Variants in MAGI2 observed in about 807,000 individuals in gnomAD.
MAGI2 encodes the protein membrane associated guanylate kinase, WW and PDZ domain containing 2.
A neutral mutation model predicts 133.3 loss-of-function variants in MAGI2; 35 were observed. That is an observed-to-expected ratio of 0.26 (90% confidence interval 0.20 to 0.35). The LOEUF (loss-of-function observed/expected upper bound fraction) is 0.35, where lower values mean the gene tolerates loss of function less well. Ranked by LOEUF, MAGI2 falls within the 10% of genes least tolerant of loss-of-function variation. The probability of loss-of-function intolerance (pLI) is 1.00; values close to 1 mark genes in which losing one functional copy is unlikely to be tolerated. For synonymous variants in MAGI2, 729 were observed against 710.6 expected, an observed-to-expected ratio of 1.03 and a Z score of -0.41; for missense variants, 1,636 against 1,863.4, an observed-to-expected ratio of 0.88 and a Z score of 2.25.
intron 3 of MAGI2, among the ~76,000 whole-genome samples, chr7:78,598,263 A>G (rs749833268): frequency 1.4e-4 from 21 of 152,188 alleles, no homozygotes; most frequent in South Asian, 1.2e-3. Context: ...AACTTGCAAT[A>G]AAGTGTGGTG....
intron 3 of MAGI2, among the ~76,000 whole-genome samples, chr7:78,571,071 T>C (rs1801447175): frequency 6.6e-6 from 1 of 152,178 alleles, no homozygotes; most frequent in Non-Finnish European, 1.5e-5. Context: ...CAATCAGTGT[T>C]ATCTCCTCGA....
At chr7:78,914,380 GACTT>G (rs1798629611) in intron 2 of MAGI2, among the ~76,000 whole-genome samples, 2 of 152,198 alleles carry the variant, frequency 1.3e-5, no homozygotes, top group East Asian at 1.9e-4. Context: ...CAATTAATTA[GACTT>G]ACTTTGGAAT....
At chr7:78,182,030 T>C (rs1050999757) in intron 13 of MAGI2, among the ~76,000 whole-genome samples, 5 of 152,220 alleles carry the variant, frequency 3.3e-5, no homozygotes, top group Admixed American at 1.3e-4. Flanking sequence ...TATGGGATGC[T>C]GCTGTAAACA....
chr7:79,053,733 T>C (rs893133266), intron 1 of MAGI2, among the ~76,000 whole-genome samples: 1 of 152,180 alleles, frequency 6.6e-6, no homozygotes, highest in Admixed American at 6.5e-5. Context: ...AAATATCCTG[T>C]ATTAGCAACT....
Position 79,035,045 on chromosome 7 carries a change from C to T in MAGI2, c.302-27839G>A, listed in dbSNP as rs887059126. Among the ~76,000 whole-genome samples, 5 of 152,020 alleles carry T rather than the reference C, an allele frequency of 3.3e-5. No homozygotes were observed. The East Asian group carries it at 5.8e-4, about 18-fold the overall frequency. On this transcript the variant is annotated intron_variant, in intron 1 of 21. Coordinates refer to ENST00000354212, the MANE Select transcript of MAGI2 (RefSeq NM_012301.4). Reference sequence around the variant, plus strand: ...GCAATTGCTCCTACTAGGTTTATTACGAGAGAAATAATCACCTCTACAGAT... The same window carrying T: ...GCAATTGCTCCTACTAGGTTTATTATGAGAGAAATAATCACCTCTACAGAT...
At chr7:79,141,947 T>C (rs1373701121) in intron 1 of MAGI2, among the ~76,000 whole-genome samples, 1 of 152,204 alleles carries the variant, frequency 6.6e-6, no homozygotes, top group African/African-American at 2.4e-5. Flanking sequence ...TATTAGTCTT[T>C]TTCATTTTGC....
chr7:78,144,478 A>G (rs191332114), intron 16 of MAGI2, among the ~76,000 whole-genome samples: 2 of 152,212 alleles, frequency 1.3e-5, no homozygotes, highest in East Asian at 3.9e-4. Flanking sequence ...TACTATGTAA[A>G]TCTTGTTCAC....
At chr7:78,523,997 C>T (rs775453929) in intron 3 of MAGI2, among the ~76,000 whole-genome samples, 1 of 152,010 alleles carries the variant, frequency 6.6e-6, no homozygotes, top group African/African-American at 2.4e-5. Context: ...CAAACTGCCT[C>T]CATGAGAATG....
At chr7:79,236,362 G>A (rs2129554662) in intron 1 of MAGI2, among the ~76,000 whole-genome samples, 1 of 152,324 alleles carries the variant, frequency 6.6e-6, no homozygotes, top group East Asian at 1.9e-4. Context: ...TTCTGTTGAA[G>A]TCTAAAGGGG....
intron 9 of MAGI2, among the ~76,000 whole-genome samples, chr7:78,334,003 G>C (rs975043186): frequency 9.9e-5 from 15 of 152,168 alleles, no homozygotes; most frequent in Non-Finnish European, 2.2e-4. Flanking sequence ...TGTGTGCTCA[G>C]GTTTCAAAAG....
chr7:79,384,881 T>C (rs1168682292), intron 1 of MAGI2, among the ~76,000 whole-genome samples: 1 of 151,732 alleles, frequency 6.6e-6, no homozygotes, highest in East Asian at 1.9e-4. Flanking sequence ...TTTATACAGA[T>C]GGAAATCTCA....
intron 2 of MAGI2, among the ~76,000 whole-genome samples, chr7:78,820,105 C>A (rs371400289): frequency 6.6e-6 from 1 of 151,684 alleles, no homozygotes; most frequent in Admixed American, 6.6e-5. Flanking sequence ...ACATCATAAG[C>A]TTGAAAAAAT....
intron 2 of MAGI2, among the ~76,000 whole-genome samples, chr7:78,732,629 T>C (rs1821478487): frequency 6.6e-6 from 1 of 152,164 alleles, no homozygotes; most frequent in Admixed American, 6.5e-5. Flanking sequence ...CAAATGTTTA[T>C]TGTAAAATTC....
intron 1 of MAGI2, among the ~76,000 whole-genome samples, chr7:79,451,488 T>C (rs1849245968): frequency 6.6e-6 from 1 of 152,174 alleles, no homozygotes; most frequent in African/African-American, 2.4e-5. Flanking sequence ...CAAACTCATA[T>C]CCCTTCAGTG....
intron 1 of MAGI2, among the ~76,000 whole-genome samples, chr7:79,205,520 T>A (rs1828970119): frequency 1.3e-5 from 2 of 151,906 alleles, no homozygotes; most frequent in Admixed American, 6.6e-5. Context: ...AAACAGACAC[T>A]AATATGTAAT....
chr7:79,210,021 A>G (rs1261653801), intron 1 of MAGI2, among the ~76,000 whole-genome samples: 1 of 152,082 alleles, frequency 6.6e-6, no homozygotes, highest in Admixed American at 6.6e-5. Flanking sequence ...GATAAAGACA[A>G]ATGAAAATCT....
intron 1 of MAGI2, among the ~76,000 whole-genome samples, chr7:79,059,674 A>T (rs182374678): frequency 1.3e-3 from 198 of 152,260 alleles, no homozygotes; most frequent in Non-Finnish European, 2.4e-3. Context: ...TTTGTAATAT[A>T]CAATAATCAA....
intron 1 of MAGI2, among the ~76,000 whole-genome samples, chr7:79,323,556 G>A (rs1042995521): frequency 1.3e-5 from 2 of 152,136 alleles, no homozygotes; most frequent in African/African-American, 4.8e-5. Flanking sequence ...GGAGACAAGA[G>A]TGGTGAGTAG....
intron 10 of MAGI2, chr7:78,251,951 G>A (rs1792427602): frequency 6.6e-6 from 1 of 151,900 alleles, no homozygotes; most frequent in Admixed American, 6.6e-5. Flanking sequence ...GACACCCCTG[G>A]GAAACACAGT....
Sources: allele counts gnomAD v4.1 joint callset (sites outside exome capture counted in the v4.1 genomes callset), GRCh38; gene constraint gnomAD v4.1.1; transcripts MANE v1.5; gene names NCBI Gene and HGNC (gene_info 2026-07-23, HGNC 2026-07-21).